The following CLPX variants were observed in gnomAD, a reference collection of about 807,000 sequenced individuals.
The protein encoded by CLPX is caseinolytic mitochondrial matrix peptidase chaperone subunit X.
In CLPX, 34 loss-of-function variants were observed where a neutral mutation model predicts 76.4. The observed-to-expected ratio is 0.45, with a 90% confidence interval of 0.34 to 0.59. CLPX has a LOEUF of 0.59. CLPX is among the 20% of genes least tolerant of loss of function. CLPX has a pLI of 0.01. For missense variants in CLPX, 613 were observed against 757.0 expected (o/e 0.81, Z 2.23); for synonymous variants, 248 against 270.9 (o/e 0.92, Z 0.83).
At chr15:65,151,804 T>C (rs2140608120) in intron 13 of CLPX, among the ~76,000 whole-genome samples, 1 of 152,316 alleles carries the variant, frequency 6.6e-6, no homozygotes, top group East Asian at 1.9e-4. Flanking sequence ...CCTTATGATT[T>C]GAGTTAAACA....
At position 65,157,836 on chromosome 15, in the gene CLPX, T is replaced by A; in HGVS notation, c.967A>T (p.Thr323Ser). Residue 323 changes from threonine (T) to serine (S), a missense_variant, in exon 8 of 14, where the codon ACT (threonine) becomes TCT (serine). Thr to Ser is a moderately conservative substitution (Grantham distance 58). Around this residue, in one of 2 missense-constraint regions of CLPX, gnomAD observed 450 missense variants for 638.6 expected, o/e 0.70. Coordinates refer to ENST00000300107, the MANE Select transcript of CLPX (RefSeq NM_006660.5). Reference protein sequence around the residue: ...PFAICDCTTLTQAGYVGEDIE... With the variant: ...PFAICDCTTLSQAGYVGEDIE... ...TCTTCGCCTACATATCCAGCCTGAG[T>A]CAAAGTTGTACAGTCACAGATAGCA... The A allele has an allele frequency of 6.2e-7, 1 of 1,613,816 alleles. No individual in the cohort carries two copies. Among genetic ancestry groups the A allele is most frequent in the Non-Finnish European group, 8.5e-7 (1 of 1,179,896 alleles).
intron 1 of CLPX, 80 bp from the exon 2 acceptor site, chr15:65,180,284 A>T: frequency 9.0e-7 from 1 of 1,112,518 alleles, no homozygotes; most frequent in South Asian, 1.7e-5. Flanking sequence ...TTGAGCATAA[A>T]GGAGGTTGAA....
At chr15:65,183,460 CAAAAAAAAAAAAAAAA>C (rs61002905) in intron 1 of CLPX, among the ~76,000 whole-genome samples, 1 of 66,268 alleles carries the variant, frequency 1.5e-5, no homozygotes, top group East Asian at 4.7e-4. Context: ...GACTCTGTCT[CAAAAAAAAAAAAAAAA>C]AAAAAAGAAA....
chr15:65,171,503 G>A (rs973641833), intron 3 of CLPX, among the ~76,000 whole-genome samples: 1 of 152,038 alleles, frequency 6.6e-6, no homozygotes, highest in African/African-American at 2.4e-5. Context: ...GGAATAAGCG[G>A]TTTCATCCAT....
chr15:65,184,911 C>G (rs535400820), intron 1 of CLPX, among the ~76,000 whole-genome samples, 164 bp downstream of exon 1: 11 of 152,348 alleles, frequency 7.2e-5, no homozygotes, highest in Middle Eastern at 3.4e-3. Context: ...GTTGGCAGAG[C>G]CCCATTCCAC....
At chr15:65,151,534 T>C (rs2087721555) in intron 13 of CLPX, among the ~76,000 whole-genome samples, 1 of 149,310 alleles carries the variant, frequency 6.7e-6, no homozygotes, top group Non-Finnish European at 1.5e-5. Context: ...TCCAAGAAAG[T>C]ATCATCTGTT....
intron 1 of CLPX, among the ~76,000 whole-genome samples, chr15:65,183,252 G>C (rs1356395829): frequency 6.6e-6 from 1 of 151,868 alleles, no homozygotes; most frequent in South Asian, 2.1e-4. Flanking sequence ...CACAAGATCA[G>C]GAGATCGAGA....
intron 1 of CLPX, 44 bp downstream of exon 1, chr15:65,185,031 C>CCT: frequency 3.3e-6 from 5 of 1,505,722 alleles, no homozygotes; most frequent in Non-Finnish European, 3.6e-6. Flanking sequence ...AGTCCACCCC[C>CCT]CCCCCGACAG....
chr15:65,164,149 A>G lies in CLPX; in HGVS notation c.553T>C (p.Phe185Leu), dbSNP rs2087883073. The G allele has an allele frequency of 5.6e-6, 9 of 1,612,628 alleles. No individual in the cohort carries two copies. The highest frequency in any genetic ancestry group is 7.6e-6 in the Non-Finnish European group (9 of 1,179,236). The change falls in exon 5 of 14, where the codon TTT becomes CTT. Residue 185 changes from phenylalanine to leucine, a missense_variant. This residue lies in a region of CLPX where 450 missense variants were observed against 638.6 expected (regional missense o/e 0.70). Transcript: ENST00000300107. ...YLDKYVVGQS[F>L]AKKVLSVAVY... ...GCAACTGAAAGCACCTTCTTAGCAAATGACTGGCCAACAACATACTTGTCG... is the reference window on the plus strand; with the variant it reads ...GCAACTGAAAGCACCTTCTTAGCAAGTGACTGGCCAACAACATACTTGTCG...
At chr15:65,174,981 A>G (rs989653879) in intron 3 of CLPX, among the ~76,000 whole-genome samples, 2 of 152,236 alleles carry the variant, frequency 1.3e-5, no homozygotes, top group African/African-American at 4.8e-5. Flanking sequence ...ACGTTCAATG[A>G]AGATATGTTA....
At position 65,162,592 on chromosome 15, in the gene CLPX, G is replaced by C. The variant is rs760353988; in HGVS notation, c.715+12C>G. The C allele has an allele frequency of 6.4e-7, 1 of 1,566,258 alleles. No homozygotes were observed. Among genetic ancestry groups the C allele is most frequent in the Non-Finnish European group, 8.8e-7 (1 of 1,140,280 alleles). ...GAAGAATGATTACAGAGGAGGACCT[G>C]AAGTCACTTACTTGTAAATCTGTAC... On this transcript the variant is annotated intron_variant, in intron 6 of 13. Transcript: ENST00000300107.
chr15:65,167,554 A>C (rs1460248670), intron 3 of CLPX, among the ~76,000 whole-genome samples: 1 of 152,104 alleles, frequency 6.6e-6, no homozygotes, highest in African/African-American at 2.4e-5. Flanking sequence ...AAAATGTAAA[A>C]AATGTATATT....
At chr15:65,173,788 C>G (rs181385532) in intron 3 of CLPX, among the ~76,000 whole-genome samples, 14 of 152,200 alleles carry the variant, frequency 9.2e-5, no homozygotes, top group African/African-American at 3.4e-4. Flanking sequence ...TGCCACATAT[C>G]GTATAATTCC....
intron 5 of CLPX, among the ~76,000 whole-genome samples, chr15:65,163,733 C>T (rs558968243): frequency 4.9e-4 from 75 of 152,228 alleles, no homozygotes; most frequent in Middle Eastern, 6.8e-3. Flanking sequence ...GTGATCCCCC[C>T]GCCTCGGCCT....
chr15:65,163,561 T>G (rs1228581984), intron 5 of CLPX, among the ~76,000 whole-genome samples: 1 of 152,188 alleles, frequency 6.6e-6, no homozygotes, highest in Non-Finnish European at 1.5e-5. Context: ...TTTTAATAAA[T>G]CATTCTATTA....
chr15:65,184,486 C>A (rs2088226240), intron 1 of CLPX: 1 of 152,486 alleles, frequency 6.6e-6, no homozygotes, highest in African/African-American at 2.4e-5. Context: ...CCGGGGCTTG[C>A]CTGACGCCGG....
intron 7 of CLPX, chr15:65,158,179 C>T (rs896949063): frequency 8.9e-5 from 30 of 335,280 alleles, no homozygotes; most frequent in Non-Finnish European, 1.4e-4. Context: ...TGTGCTACCA[C>T]GCCCAACTAA....
rs367735970 is a variant in CLPX, at chr15:65,185,067, T to C, written c.79+8A>G. ...GCTGAGGGCTCAGGAGTGGCACTAT[T>C]TCGTTACCTCTCTGCGCGGAGGCGA... On this transcript the variant is annotated splice_region_variant and intron_variant, in intron 1 of 13. Transcript: ENST00000300107. 1.5e-5 allele frequency: 23 copies of C among 1,549,688 alleles called. No individual in the cohort carries two copies. Among genetic ancestry groups the C allele is most frequent in the Non-Finnish European group, 2.0e-5 (23 of 1,146,256 alleles).
Position 65,166,804 on chromosome 15 carries a change from A to AT in CLPX, c.359-20dup, listed in dbSNP as rs762007385. The AT allele has an allele frequency of 5.6e-6, 9 of 1,601,684 alleles. No individual in the cohort carries two copies. The highest frequency in any genetic ancestry group is 5.4e-5 in the African/African-American group (4 of 73,958). ...GTGGATGCTGTAAAAGAAAACAGAC[A>AT]TAAGTAGAGGGAAATAAAAAATAAT... On this transcript the variant is annotated intron_variant, in intron 3 of 13. Coordinates refer to ENST00000300107, the MANE Select transcript of CLPX (RefSeq NM_006660.5).
Sources: allele counts gnomAD v4.1 joint callset (sites outside exome capture counted in the v4.1 genomes callset), GRCh38; gene constraint gnomAD v4.1.1; regional missense constraint gnomAD v4.1.1; transcripts MANE v1.5; gene names NCBI Gene and HGNC (gene_info 2026-07-23, HGNC 2026-07-21).